ZKSCAN8: variants seen among roughly 807,000 people sequenced by gnomAD.
ZKSCAN8 encodes zinc finger protein with KRAB and SCAN domains 8.
In ZKSCAN8, 27 loss-of-function variants were observed where a neutral mutation model predicts 57.2. That is an observed-to-expected ratio of 0.47 (90% CI 0.35 to 0.65). The LOEUF (loss-of-function observed/expected upper bound fraction) is 0.65. Among genes scored for constraint, ZKSCAN8 ranks in the 30% least tolerant of loss-of-function variants. The pLI, the probability that ZKSCAN8 is intolerant of heterozygous loss-of-function variation, is 0.01. For synonymous variants in ZKSCAN8, 214 were observed against 248.7 expected (o/e 0.86, Z 1.31); for missense variants, 597 against 696.3 (o/e 0.86, Z 1.60).
At chr6:28,148,286 C>A in intron 1 of ZKSCAN8, 30 bp from the exon 2 acceptor site, 1 of 1,076,046 alleles carries the variant, frequency 9.3e-7, no homozygotes, top group Non-Finnish European at 1.3e-6. Flanking sequence ...TTTTGACTTG[C>A]CTTAACACTA....
intron 4 of ZKSCAN8, 62 bp from the exon 5 acceptor site, chr6:28,152,199 C>T (rs1765612453): frequency 9.0e-6 from 14 of 1,551,180 alleles, no homozygotes; most frequent in Non-Finnish European, 1.1e-5. Context: ...ATCTCTCAAG[C>T]TCTATAGGTT....
intron 1 of ZKSCAN8, among the ~76,000 whole-genome samples, chr6:28,147,971 A>C (rs1042698673): frequency 6.6e-6 from 1 of 152,202 alleles, no homozygotes; most frequent in East Asian, 1.9e-4. Context: ...TGGTGTATCA[A>C]AGACTAAAAG....
At chr6:28,152,066 CTAGGGACAGATTGA>C (rs1765609110) in intron 4 of ZKSCAN8, 130 bp downstream of exon 4, 1 of 1,371,208 alleles carries the variant, frequency 7.3e-7, no homozygotes, top group East Asian at 2.4e-5. Context: ...ATTCTTTTGC[CTAGGGACAGATTGA>C]TCCTGAATTT....
upstream of ZKSCAN8, chr6:28,141,771 A>C (rs551546290): frequency 6.6e-6 from 1 of 152,664 alleles, no homozygotes; most frequent in Non-Finnish European, 1.5e-5. Flanking sequence ...ACAGCAGGTG[A>C]GGGGCGTGGT....
chr6:28,151,721 A>C (rs544747438), intron 3 of ZKSCAN8, 124 bp from the exon 4 acceptor site: 13 of 749,256 alleles, frequency 1.7e-5, no homozygotes, highest in East Asian at 1.5e-4. Flanking sequence ...TCAGCACTTC[A>C]TGTGCAAAAT....
chr6:28,143,190 T>A (rs368019018), intron 1 of ZKSCAN8, among the ~76,000 whole-genome samples: 3 of 152,186 alleles, frequency 2.0e-5, no homozygotes, highest in East Asian at 1.9e-4. Context: ...TACAGACATG[T>A]ACGCACAAAA....
chr6:28,156,211 A>AC lies in ZKSCAN8; in HGVS notation c.*2195dup. 2.5e-6 allele frequency: 1 copy of AC among 398,430 alleles called. No homozygotes were observed. The highest frequency in any genetic ancestry group is 3.6e-5 in the East Asian group (1 of 28,054). The allele number at this position is 398,430 out of a possible 1,614,324, so 24.7% of individuals were successfully genotyped here. On this transcript the variant is annotated 3_prime_UTR_variant, in exon 6 of 6. Transcript: ENST00000330236. The stretch of plus-strand genomic sequence containing the variant: ...CACACCTGCCATACACTTTAGAAGA[A>AC]CGCTTCTCTTCTATTCCAATAAAAA...
At chr6:28,152,491 A>C in intron 5 of ZKSCAN8, 107 bp downstream of exon 5, 1 of 1,384,644 alleles carries the variant, frequency 7.2e-7, no homozygotes, top group Non-Finnish European at 9.7e-7. Flanking sequence ...AGTTTAACTC[A>C]GGATCCAGCA....
At chr6:28,142,533 T>G (rs901845664) in intron 1 of ZKSCAN8, among the ~76,000 whole-genome samples, 1 of 152,066 alleles carries the variant, frequency 6.6e-6, no homozygotes, top group Non-Finnish European at 1.5e-5. Context: ...ACGAAAGTTT[T>G]TTTTTTTTTT....
Position 28,153,962 on chromosome 6 carries a change from T to G in ZKSCAN8, c.1682T>G (p.Leu561Arg). Residue 561 changes from leucine to arginine, a missense_variant, in exon 6 of 6, where the codon CTC (leucine) becomes CGC (arginine). By Grantham distance (102) the Leu-to-Arg change is moderately radical (BLOSUM62 -2). Coordinates refer to ENST00000330236, the MANE Select transcript of ZKSCAN8 (RefSeq NM_006298.4). Reference sequence around the variant, plus strand: ...AAAGCCTTTATTCAGAGGTCAAGTCTCATTCGACATCAGAGAATCCACAGT... The same window carrying G: ...AAAGCCTTTATTCAGAGGTCAAGTCGCATTCGACATCAGAGAATCCACAGT... The part of the protein sequence containing the change: ...CGKAFIQRSS[L>R]IRHQRIHSGE... 1 of 1,611,698 alleles carries G rather than the reference T, an allele frequency of 6.2e-7. No homozygotes were observed. The highest frequency in any genetic ancestry group is 8.5e-7 in the Non-Finnish European group (1 of 1,179,164).
In ZKSCAN8 at chr6:28,148,564, C is replaced by T. The variant is rs144390792; in HGVS notation, c.157C>T (p.Arg53Cys). 7 of 1,613,968 alleles carry T rather than the reference C, an allele frequency of 4.3e-6. No homozygotes were observed. In the East Asian group the frequency reaches 6.7e-5, roughly 15 times the overall value. ...NPLGQEVFRL[R>C]FRQLRYQETL... ...TCTTGGCCAAGAAGTGTTCCGCCTG[C>T]GCTTCAGGCAGTTACGCTACCAGGA... Residue 53 changes from arginine to cysteine, a missense_variant, in exon 2 of 6, where the codon CGC becomes TGC. By Grantham distance (180) the Arg-to-Cys change is radical (BLOSUM62 -3). Transcript: ENST00000330236.
Position 28,149,558 on chromosome 6 carries a change from A to T in ZKSCAN8, c.493A>T (p.Asn165Tyr). The change falls in exon 3 of 6, where the codon AAT becomes TAT. Residue 165 changes from asparagine (N) to tyrosine (Y), a missense_variant. Transcript: ENST00000330236. ...TTCAGCATCTGCACCAGAGCCTCCA[A>T]ATACTCAGCTCCAATCTGAGGCAAC... ...VHSASAPEPP[N>Y]TQLQSEATQH... The T allele has an allele frequency of 6.2e-7, 1 of 1,614,144 alleles. No individual in the cohort carries two copies. The highest frequency in any genetic ancestry group is 8.5e-7 in the Non-Finnish European group (1 of 1,180,028).
At position 28,157,249 on chromosome 6, in the gene ZKSCAN8, A is replaced by C. The variant is rs999861603; in HGVS notation, c.*3232A>C. 2.0e-5 allele frequency: 3 copies of C among 152,216 alleles called. No individual in the cohort carries two copies. The highest frequency in any genetic ancestry group is 7.2e-5 in the African/African-American group (3 of 41,440). The allele number at this position is 152,216 out of a possible 1,614,324, so 9.4% of individuals were successfully genotyped here. A position where few individuals can be genotyped will look rare whatever the true frequency, so the allele number is the denominator to read the frequency against. Reference sequence around the variant, plus strand: ...TCCGATCTTGTGAGACTTATTCACTATCACAAGAACAGCACAGGAAAGTTC... The same window carrying C: ...TCCGATCTTGTGAGACTTATTCACTCTCACAAGAACAGCACAGGAAAGTTC... On this transcript the variant is annotated 3_prime_UTR_variant, in exon 6 of 6. Transcript: ENST00000330236.
chr6:28,152,962 C>A, intron 5 of ZKSCAN8, 94 bp from the exon 6 acceptor site: 1 of 1,528,288 alleles, frequency 6.5e-7, no homozygotes, highest in South Asian at 1.3e-5. Flanking sequence ...TTCATGTGTA[C>A]TTTCCTTTTC....
chr6:28,146,115 T>G (rs1166614414), intron 1 of ZKSCAN8, among the ~76,000 whole-genome samples: 1 of 152,184 alleles, frequency 6.6e-6, no homozygotes, highest in African/African-American at 2.4e-5. Flanking sequence ...AAATTGAACT[T>G]TTTTCGGACA....
In ZKSCAN8 at chr6:28,154,957, A is replaced by C. The variant is rs944263883; in HGVS notation, c.*940A>C. Reference sequence around the variant, plus strand: ...ACGAAGATGCTTTAGGAAGATAAAAACCTTACAAAGAATGTATACTCATCT... The same window carrying C: ...ACGAAGATGCTTTAGGAAGATAAAACCCTTACAAAGAATGTATACTCATCT... On this transcript the variant is annotated 3_prime_UTR_variant, in exon 6 of 6. Coordinates refer to ENST00000330236, the MANE Select transcript of ZKSCAN8 (RefSeq NM_006298.4). 1.3e-5 allele frequency: 2 copies of C among 152,522 alleles called. No individual in the cohort carries two copies. Among genetic ancestry groups the C allele is most frequent in the African/African-American group, 2.4e-5 (1 of 41,392 alleles). 9.4% of individuals were successfully genotyped at this position (152,522 alleles called of 1,614,324 possible). A position where few individuals can be genotyped will look rare whatever the true frequency, so the allele number is the denominator to read the frequency against.
At chr6:28,148,220 T>G in intron 1 of ZKSCAN8, 96 bp from the exon 2 acceptor site, 1 of 560,030 alleles carries the variant, frequency 1.8e-6, no homozygotes, top group East Asian at 3.1e-5. Context: ...GGCCGAGCCA[T>G]GAAGTCCGTG....
rs939723095 is a variant in ZKSCAN8 at position 28,158,968 on chromosome 6, C to T, written c.*4951C>T. 4 of 152,146 alleles carry T rather than the reference C, an allele frequency of 2.6e-5. No homozygotes were observed. The highest frequency in any genetic ancestry group is 9.7e-5 in the African/African-American group (4 of 41,416). 9.4% of individuals were successfully genotyped at this position (152,146 alleles called of 1,614,324 possible). Reference sequence around the variant, plus strand: ...TCCAAATTCTCCATTACCTCTATGCCTAATATTCATCAGCCTTCATTACTC... The same window carrying T: ...TCCAAATTCTCCATTACCTCTATGCTTAATATTCATCAGCCTTCATTACTC... On this transcript the variant is annotated 3_prime_UTR_variant, in exon 6 of 6. Coordinates refer to ENST00000330236, the MANE Select transcript of ZKSCAN8 (RefSeq NM_006298.4).
In ZKSCAN8 at chr6:28,154,146, A is replaced by C; in HGVS notation, c.*129A>C. ...TAGTGTCAGAATCTATAGTGGTGGC[A>C]AAGTTAGGATAGCTCTTTAGTAATT... is the stretch of plus-strand genomic sequence containing the variant. On this transcript the variant is annotated 3_prime_UTR_variant, in exon 6 of 6. Coordinates refer to ENST00000330236, the MANE Select transcript of ZKSCAN8 (RefSeq NM_006298.4). The C allele has an allele frequency of 7.3e-7, 1 of 1,374,504 alleles. No individual in the cohort carries two copies. The allele number at this position is 1,374,504 out of a possible 1,614,324, so 85.1% of individuals were successfully genotyped here.
Sources: allele counts gnomAD v4.1 joint callset (sites outside exome capture counted in the v4.1 genomes callset), GRCh38; gene constraint gnomAD v4.1.1; transcripts MANE v1.5; gene names NCBI Gene and HGNC (gene_info 2026-07-23, HGNC 2026-07-21).